CLDN14: variants seen among roughly 807,000 people sequenced by gnomAD.
The protein encoded by CLDN14 is claudin 14.
In CLDN14, 2 loss-of-function variants were observed where a neutral mutation model predicts 2.1. The ratio of observed to expected loss-of-function variants is 0.96; its 90% CI spans 0.39 to 3.01. The LOEUF (loss-of-function observed/expected upper bound fraction) is 3.01. Among genes scored for constraint, CLDN14 ranks in the 30% most tolerant of loss-of-function variants. The probability of loss-of-function intolerance (pLI) is 0.09; values close to 1 mark genes in which losing one functional copy is unlikely to be tolerated. For missense variants in CLDN14, 298 were observed against 328.0 expected (o/e 0.91, Z 0.71); for synonymous variants, 136 against 154.4 (o/e 0.88, Z 0.88).
At chr21:36,521,651 T>C (rs958774456) in intron 1 of CLDN14, among the ~76,000 whole-genome samples, 3 of 152,176 alleles carry the variant, frequency 2.0e-5, no homozygotes, top group Non-Finnish European at 4.4e-5. Context: ...GATGTCTGTC[T>C]TGGGAATGAC....
At chr21:36,546,007 A>C (rs564941647) in intron 1 of CLDN14, among the ~76,000 whole-genome samples, 1 of 152,320 alleles carries the variant, frequency 6.6e-6, no homozygotes, top group South Asian at 2.1e-4. Flanking sequence ...CCCGCCCAAC[A>C]GCTGCCTTTC....
chr21:36,523,760 AAAGAAAGAAAGAGAGAAAGAGAGAAAG>A lies in CLDN14; in HGVS notation c.-219-13287_-219-13261del, dbSNP rs1252519822. Among the ~76,000 whole-genome samples the A allele has an allele frequency of 2.7e-4, 15 of 55,144 alleles. 4 individuals are homozygous for A. Among genetic ancestry groups the A allele is most frequent in the African/African-American group, 7.1e-4 (14 of 19,652 alleles). 36.2% of individuals were successfully genotyped at this position (55,144 alleles called of 152,430 possible). A position where few individuals can be genotyped will look rare whatever the true frequency, so the allele number is the denominator to read the frequency against. ...GAGACTCCATCTAAAAAAAAAAAAAAAAGAAAGAAAGAGAGAAAGAGAGAAAGAAAGAAAGAAAGAAAGAAAGAAAGA... is the reference window on the plus strand; with the variant it reads ...GAGACTCCATCTAAAAAAAAAAAAAAAAAGAAAGAAAGAAAGAAAGAAAGA... On this transcript the variant is annotated intron_variant, in intron 1 of 2. Transcript: ENST00000342108.
At chr21:36,476,270 G>C (rs1055777130) in intron 1 of CLDN14, among the ~76,000 whole-genome samples, 1 of 152,098 alleles carries the variant, frequency 6.6e-6, no homozygotes, top group Non-Finnish European at 1.5e-5. Context: ...AAGTGGTTGG[G>C]GGGGTGGTTC....
In CLDN14 at chr21:36,523,777, A is replaced by AAGAAAGAGAGAGAGAGAGAGAGAGAG. The variant is rs1395016125; in HGVS notation, c.-219-13278_-219-13277insCTCTCTCTCTCTCTCTCTCTCTTTCT. ...AAAAAAAAAAAGAAAGAAAGAGAGA[A>AAGAAAGAGAGAGAGAGAGAGAGAGAG]AGAGAGAAAGAAAGAAAGAAAGAAA... On this transcript the variant is annotated intron_variant, in intron 1 of 2. Transcript: ENST00000342108. Among the ~76,000 whole-genome samples, 58 of 68,914 alleles carry AAGAAAGAGAGAGAGAGAGAGAGAGAG rather than the reference A, an allele frequency of 8.4e-4. 3 individuals carry two copies. The highest frequency in any genetic ancestry group is 6.2e-3 in the Middle Eastern group (1 of 162). The allele number at this position is 68,914 out of a possible 152,430, so 45.2% of individuals were successfully genotyped here.
chr21:36,557,436 C>T (rs1049367095), intron 1 of CLDN14, among the ~76,000 whole-genome samples: 14 of 151,906 alleles, frequency 9.2e-5, no homozygotes, highest in African/African-American at 3.4e-4. Flanking sequence ...CCAACTTCTC[C>T]ACATCCTTGC....
At chr21:36,464,262 C>T (rs1197617263) in intron 1 of CLDN14, among the ~76,000 whole-genome samples, 1 of 152,222 alleles carries the variant, frequency 6.6e-6, no homozygotes, top group Non-Finnish European at 1.5e-5. Context: ...CCTCCCCAGC[C>T]ACGCTTCCTG....
chr21:36,490,385 ATTTTTTTTTTT>A (rs71198817), intron 2 of CLDN14, among the ~76,000 whole-genome samples: 2 of 102,054 alleles, frequency 2.0e-5, no homozygotes, highest in African/African-American at 7.9e-5. Flanking sequence ...TTTTTTTTTA[ATTTTTTTTTTT>A]TTTTTTTTTT....
chr21:36,490,801 T>G (rs926106304), intron 2 of CLDN14, among the ~76,000 whole-genome samples: 1 of 152,172 alleles, frequency 6.6e-6, no homozygotes, highest in African/African-American at 2.4e-5. Flanking sequence ...TTTCTCTGAC[T>G]GTTCAGTTTG....
At chr21:36,525,054 A>G (rs2087312924) in intron 1 of CLDN14, among the ~76,000 whole-genome samples, 1 of 152,160 alleles carries the variant, frequency 6.6e-6, no homozygotes, top group Non-Finnish European at 1.5e-5. Context: ...GCTCTGTGGA[A>G]TGTGCCAGTC....
chr21:36,526,256 A>T (rs1194395419), intron 1 of CLDN14: 2 of 152,198 alleles, frequency 1.3e-5, no homozygotes. Context: ...GCCATAGACA[A>T]TACATAAGTG....
intron 1 of CLDN14, among the ~76,000 whole-genome samples, chr21:36,545,639 A>G (rs2087521295): frequency 6.6e-6 from 1 of 152,100 alleles, no homozygotes; most frequent in African/African-American, 2.4e-5. Context: ...CTGAATTATT[A>G]TTTTTTGAAA....
chr21:36,517,991 C>T (rs1034648398), intron 1 of CLDN14, among the ~76,000 whole-genome samples: 1 of 152,032 alleles, frequency 6.6e-6, no homozygotes, highest in Non-Finnish European at 1.5e-5. Context: ...TAGACTGTTG[C>T]CTACCCCATC....
At chr21:36,556,059 A>G (rs1417192426) in intron 1 of CLDN14, among the ~76,000 whole-genome samples, 2 of 152,062 alleles carry the variant, frequency 1.3e-5, no homozygotes, top group African/African-American at 4.8e-5. Flanking sequence ...CAGGGGCCCA[A>G]GCTATTGGTG....
intron 1 of CLDN14, among the ~76,000 whole-genome samples, chr21:36,514,483 A>G (rs188692620): frequency 1.7e-3 from 261 of 152,336 alleles, no homozygotes; most frequent in Non-Finnish European, 3.0e-3. Flanking sequence ...TGGTTGGTAG[A>G]TGAGTCTCCC....
chr21:36,467,519 G>A (rs911795317), intron 1 of CLDN14, among the ~76,000 whole-genome samples: 1 of 151,764 alleles, frequency 6.6e-6, no homozygotes, highest in Non-Finnish European at 1.5e-5. Context: ...GGAGGGGTGC[G>A]GGGGTGGGAC....
intron 2 of CLDN14, among the ~76,000 whole-genome samples, chr21:36,503,103 G>A (rs1437936830): frequency 1.3e-5 from 2 of 152,166 alleles, no homozygotes; most frequent in Admixed American, 1.3e-4. Flanking sequence ...GCCCAGGCTG[G>A]AGTGCAGTGG....
chr21:36,467,833 C>G (rs2086665284), intron 1 of CLDN14, among the ~76,000 whole-genome samples: 1 of 152,132 alleles, frequency 6.6e-6, no homozygotes, highest in South Asian at 2.1e-4. Flanking sequence ...GTCTACCCAC[C>G]TTGGTGAAAG....
chr21:36,559,145 T>G (rs2087617312), intron 1 of CLDN14, among the ~76,000 whole-genome samples: 1 of 151,786 alleles, frequency 6.6e-6, no homozygotes, highest in Non-Finnish European at 1.5e-5. Context: ...GTTTAGGTCA[T>G]TTTTTCCTAT....
Position 36,532,125 on chromosome 21 carries a change from GACAA to G in CLDN14, c.-219-21629_-219-21626del, listed in dbSNP as rs1160586080. ...ATTTCCTCCGAAGAGGATACGCACT[GACAA>G]ACAACACCCGAGTGTGGCATGCTAG... is the stretch of plus-strand genomic sequence containing the variant. On this transcript the variant is annotated intron_variant, in intron 1 of 2. Coordinates refer to the CLDN14 transcript ENST00000342108. 4.6e-5 allele frequency: 7 copies of G among 152,276 alleles called. No homozygotes were observed. The East Asian group carries it at 1.2e-3, about 25-fold the overall frequency. 9.4% of individuals were successfully genotyped at this position (152,276 alleles called of 1,614,324 possible).
Sources: allele counts gnomAD v4.1 joint callset (sites outside exome capture counted in the v4.1 genomes callset), GRCh38; gene constraint gnomAD v4.1.1; transcripts MANE v1.5; gene names NCBI Gene and HGNC (gene_info 2026-07-23, HGNC 2026-07-21).